The following BABAM2 variants were observed in gnomAD, a reference collection of about 807,000 sequenced individuals.
BABAM2 encodes the protein BRISC and BRCA1-A complex member 2.
In BABAM2, 31 loss-of-function variants were observed where a neutral mutation model predicts 54.7. The ratio of observed to expected loss-of-function variants is 0.57; its 90% CI spans 0.43 to 0.77. BABAM2 has a LOEUF of 0.77. Among genes scored for constraint, BABAM2 ranks in the 30% least tolerant of loss-of-function variants. The pLI is 0.00. For synonymous variants in BABAM2, 167 were observed against 162.9 expected (o/e 1.03, Z -0.19); for missense variants, 364 against 455.8 (o/e 0.80, Z 1.83).
At chr2:28,116,007 C>A (rs1573612757) in intron 6 of BABAM2, among the ~76,000 whole-genome samples, 1 of 151,566 alleles carries the variant, frequency 6.6e-6, no homozygotes, top group African/African-American at 2.4e-5. Flanking sequence ...CCCAGCTACT[C>A]GGGAGGCTGA....
At chr2:28,172,385 A>G (rs1674440828) in intron 7 of BABAM2, among the ~76,000 whole-genome samples, 1 of 152,130 alleles carries the variant, frequency 6.6e-6, no homozygotes, top group Admixed American at 6.5e-5. Context: ...TGTGTGTTTC[A>G]TGGCTCCCTA....
chr2:28,029,756 A>T (rs1484706275), intron 5 of BABAM2, among the ~76,000 whole-genome samples: 3 of 152,042 alleles, frequency 2.0e-5, no homozygotes, highest in Non-Finnish European at 4.4e-5. Context: ...CCTATTTTTA[A>T]TTTTTTGAGG....
At chr2:28,283,402 G>A (rs1228401177) in intron 10 of BABAM2, among the ~76,000 whole-genome samples, 1 of 152,206 alleles carries the variant, frequency 6.6e-6, no homozygotes. Flanking sequence ...AGTACACCCT[G>A]TAAGTACACT....
chr2:28,118,039 G>T (rs563236503), intron 6 of BABAM2, among the ~76,000 whole-genome samples: 1 of 152,308 alleles, frequency 6.6e-6, no homozygotes, highest in Non-Finnish European at 1.5e-5. Flanking sequence ...GTTTAAACTT[G>T]TTGGGCTCTT....
intron 2 of BABAM2, among the ~76,000 whole-genome samples, chr2:27,904,274 T>A (rs1364762221): frequency 1.3e-5 from 2 of 152,180 alleles, no homozygotes; most frequent in Non-Finnish European, 2.9e-5. Context: ...GTAACTGAAA[T>A]CACAGAAAGC....
chr2:28,328,781 C>G (rs1284074951), intron 11 of BABAM2, among the ~76,000 whole-genome samples: 1 of 152,150 alleles, frequency 6.6e-6, no homozygotes, highest in African/African-American at 2.4e-5. Context: ...AAATGGGGAG[C>G]ATGACCCCTG....
intron 3 of BABAM2, among the ~76,000 whole-genome samples, chr2:27,942,790 A>AT (rs1375721497): frequency 3.8e-5 from 3 of 78,442 alleles, no homozygotes; most frequent in African/African-American, 5.3e-5. Context: ...CTTTCTTAAA[A>AT]AATTTATTTA....
chr2:28,112,185 C>CCTTCCTT (rs1558347181), intron 6 of BABAM2, among the ~76,000 whole-genome samples: 7 of 30,568 alleles, frequency 2.3e-4, no homozygotes, highest in African/African-American at 5.6e-4. Context: ...CTCCCTCCCT[C>CCTTCCTT]CCTCCCTCCC....
At chr2:28,201,715 C>T (rs1678290144) in intron 7 of BABAM2, among the ~76,000 whole-genome samples, 1 of 152,190 alleles carries the variant, frequency 6.6e-6, no homozygotes, top group Admixed American at 6.5e-5. Flanking sequence ...ATCTCCGCTT[C>T]GTAGCCTCAA....
chr2:28,026,843 AATATATATTT>A, intron 5 of BABAM2, among the ~76,000 whole-genome samples: 1 of 40,640 alleles, frequency 2.5e-5, no homozygotes, highest in African/African-American at 1.0e-4. Flanking sequence ...AATATATATA[AATATATATTT>A]ATATATATAG....
intron 7 of BABAM2, among the ~76,000 whole-genome samples, chr2:28,179,526 A>T (rs1056880114): frequency 6.6e-6 from 1 of 152,172 alleles, no homozygotes; most frequent in African/African-American, 2.4e-5. Flanking sequence ...ATATCATACC[A>T]AATGGGGAAA....
At chr2:27,901,805 C>T (rs1254671496) in intron 2 of BABAM2, among the ~76,000 whole-genome samples, 1 of 152,084 alleles carries the variant, frequency 6.6e-6, no homozygotes, top group African/African-American at 2.4e-5. Context: ...TGTACTTTTC[C>T]CTGATCTCAT....
intron 7 of BABAM2, among the ~76,000 whole-genome samples, chr2:28,149,380 G>A (rs139209542): frequency 0.013 from 2,015 of 152,206 alleles, 29 homozygotes; most frequent in South Asian, 0.05. Context: ...GGCTTCCTTA[G>A]TTTAGTCCTT....
chr2:28,093,968 A>C (rs1666381178), intron 6 of BABAM2, among the ~76,000 whole-genome samples: 1 of 152,288 alleles, frequency 6.6e-6, no homozygotes, highest in South Asian at 2.1e-4. Flanking sequence ...GATGCAGGAA[A>C]TGATAACCAA....
intron 7 of BABAM2, among the ~76,000 whole-genome samples, chr2:28,158,014 C>T (rs543372956): frequency 6.6e-6 from 1 of 152,292 alleles, no homozygotes; most frequent in African/African-American, 2.4e-5. Context: ...TCCAAGCATG[C>T]AAGCTGAGCT....
At position 28,228,544 on chromosome 2, in the gene BABAM2, C is replaced by T. The variant is rs540471010; in HGVS notation, c.681-8658C>T. On this transcript the variant is annotated intron_variant, in intron 7 of 11. Transcript: ENST00000379624. ...ATTCATTGGAGTTTTATAACAAACT[C>T]ATAGTAAATTCACTCACTCCTGACC... 2.8e-4 allele frequency among the ~76,000 whole-genome samples: 42 copies of T among 152,090 alleles called. 1 individual carries two copies. The South Asian group carries it at 8.5e-3, about 31-fold the overall frequency.
chr2:27,921,744 G>A (rs1667360339), intron 2 of BABAM2, among the ~76,000 whole-genome samples: 1 of 152,150 alleles, frequency 6.6e-6, no homozygotes, highest in Admixed American at 6.5e-5. Context: ...ATTAGCTGCT[G>A]TTATTTGTTT....
rs72784741 is a variant in BABAM2 at position 28,248,213 on chromosome 2, T to C, written c.934+3351T>C. On this transcript the variant is annotated intron_variant, in intron 10 of 11. Transcript: ENST00000379624. The stretch of plus-strand genomic sequence containing the variant: ...TTTTGTTTATTTTCTTTTTCTTTTT[T>C]TTTTTTTTTTTTTGAGACGGAGTTT... Among the ~76,000 whole-genome samples, 15 of 5,720 alleles carry C rather than the reference T, an allele frequency of 2.6e-3. 1 individual carries two copies. The South Asian group carries it at 0.027, about 10-fold the overall frequency. 3.8% of individuals were successfully genotyped at this position (5,720 alleles called of 152,430 possible).
At chr2:27,963,297 C>T (rs1260634265) in intron 3 of BABAM2, among the ~76,000 whole-genome samples, 1 of 151,924 alleles carries the variant, frequency 6.6e-6, no homozygotes, top group Non-Finnish European at 1.5e-5. Context: ...TGGCAAAACC[C>T]CGTGTCTACT....
Sources: allele counts gnomAD v4.1 joint callset (sites outside exome capture counted in the v4.1 genomes callset), GRCh38; gene constraint gnomAD v4.1.1; transcripts MANE v1.5; gene names NCBI Gene and HGNC (gene_info 2026-07-23, HGNC 2026-07-21).